Variants in PSME4 observed in about 807,000 individuals in gnomAD.
PSME4 encodes the protein proteasome activator subunit 4.
Under a neutral mutation model 253.9 loss-of-function variants are expected in PSME4, and 89 were observed. That is an observed-to-expected ratio of 0.35 (90% CI 0.30 to 0.42). The LOEUF is 0.42. PSME4 is among the 10% of genes least tolerant of loss of function. PSME4 has a pLI of 1.00. For missense variants in PSME4, 2,014 were observed against 2,195.2 expected (o/e 0.92, Z 1.65); for synonymous variants, 851 against 759.2 (o/e 1.12, Z -1.99).
chr2:53,887,472 A>G lies in PSME4; in HGVS notation c.4521-5T>C. ...ATGAATATGTAGGTCAGCACACTGC[A>G]AAATAAAATACTTAATAATAGGAAG... is the stretch of plus-strand genomic sequence containing the variant. On this transcript the variant is annotated splice_region_variant and splice_polypyrimidine_tract_variant and intron_variant, in intron 39 of 46. Transcript: ENST00000404125. 6.2e-7 allele frequency: 1 copy of G among 1,602,016 alleles called. No homozygotes were observed. The highest frequency in any genetic ancestry group is 1.1e-5 in the South Asian group (1 of 90,148).
chr2:53,915,414 T>G (rs1253481081), intron 20 of PSME4, among the ~76,000 whole-genome samples: 2 of 151,430 alleles, frequency 1.3e-5, no homozygotes, highest in South Asian at 4.2e-4. Flanking sequence ...TATTCCAACC[T>G]GGACAACAGA....
Position 53,936,766 on chromosome 2 carries a change from C to A in PSME4, c.757G>T (p.Gly253Trp). 6.3e-7 allele frequency: 1 copy of A among 1,577,268 alleles called. No homozygotes were observed. Residue 253 changes from glycine to tryptophan, a missense_variant and splice_region_variant, in exon 6 of 47, where the codon GGG (glycine) becomes TGG (tryptophan). Physicochemically the swap from Gly to Trp is radical, Grantham distance 184 (BLOSUM62 -2). Around this residue, in one of 4 missense-constraint regions of PSME4, gnomAD observed 615 missense variants for 594.4 expected, o/e 1.03. Coordinates refer to ENST00000404125, the MANE Select transcript of PSME4 (RefSeq NM_014614.3). ...VSVQNLPQWE[G>W]QLVNLFARLA... The stretch of plus-strand genomic sequence containing the variant: ...GAAAGGGAAAAAGGGATACTTACCC[C>A]CTCCCATTGTGGGAGATTTTGCACT...
chr2:53,967,829 T>C (rs1573394522), intron 1 of PSME4, among the ~76,000 whole-genome samples: 1 of 152,072 alleles, frequency 6.6e-6, no homozygotes, highest in Non-Finnish European at 1.5e-5. Context: ...CTTTGGTCTT[T>C]AGGAATGTAC....
rs769001418 is a variant in PSME4 at position 53,920,336 on chromosome 2, G to C, written c.2277C>G (p.Pro759=). The C allele has an allele frequency of 6.2e-7, 1 of 1,612,440 alleles. No individual in the cohort carries two copies. Residue 759 remains proline, a synonymous_variant, in exon 19 of 47, where the codon CCC becomes CCG. Transcript: ENST00000404125. The part of the protein sequence containing the change: ...EYFPIKDWGK[P]GDLWNLGIQW... ...GGATTCCCAGATTCCACAAGTCCCC[G>C]GGTTTGCCCCAGTCCTAGAAGAGAA...
intron 1 of PSME4, among the ~76,000 whole-genome samples, chr2:53,954,466 C>A (rs1178688846): frequency 2.6e-5 from 4 of 152,138 alleles, no homozygotes; most frequent in Non-Finnish European, 5.9e-5. Context: ...AGAGTGAGAC[C>A]CTCATCTCTA....
intron 19 of PSME4, 71 bp downstream of exon 19, chr2:53,920,122 G>A: frequency 3.0e-6 from 4 of 1,317,122 alleles, no homozygotes; most frequent in Non-Finnish European, 4.1e-6. Context: ...CATGAGATAT[G>A]CCACAGATAA....
chr2:53,879,217 C>G (rs1573202425), intron 41 of PSME4, among the ~76,000 whole-genome samples: 2 of 151,732 alleles, frequency 1.3e-5, no homozygotes, highest in Non-Finnish European at 2.9e-5. Flanking sequence ...GAAATGTCTA[C>G]ACAAAGATCT....
At chr2:53,965,816 C>A (rs1368414902) in intron 1 of PSME4, among the ~76,000 whole-genome samples, 1 of 151,896 alleles carries the variant, frequency 6.6e-6, no homozygotes, top group African/African-American at 2.4e-5. Flanking sequence ...ACTACAGGCA[C>A]CCGCCATCAT....
At position 53,885,750 on chromosome 2, in the gene PSME4, T is replaced by C. The variant is rs145595380; in HGVS notation, c.4755A>G (p.Ala1585=). The C allele has an allele frequency of 1.2e-4, 194 of 1,612,850 alleles. No homozygotes were observed. Among genetic ancestry groups the C allele is most frequent in the Non-Finnish European group, 1.5e-4 (175 of 1,179,152 alleles). ...TAACTGCTGTAGAAAAGGATCTTCC[T>C]GCACTTGCCATCAGCCATTTCAATA... is the stretch of plus-strand genomic sequence containing the variant. ...KTILKWLMAS[A]GRSFSTAVTE... is the part of the protein sequence containing the mutation. Residue 1585 remains alanine (A), a synonymous_variant, in exon 41 of 47, where the codon GCA becomes GCG. Coordinates refer to ENST00000404125, the MANE Select transcript of PSME4 (RefSeq NM_014614.3).
In PSME4 at chr2:53,887,961, C is replaced by A. The variant is rs1238400900; in HGVS notation, c.4417G>T (p.Ala1473Ser). Residue 1473 changes from alanine to serine, a missense_variant, in exon 39 of 47, where the codon GCC becomes TCC. By Grantham distance (99) the Ala-to-Ser change is moderately conservative. This residue lies in a region of PSME4 where 403 missense variants were observed against 556.1 expected (regional missense o/e 0.72). Coordinates refer to ENST00000404125, the MANE Select transcript of PSME4 (RefSeq NM_014614.3). ...CRLYVLQGGL[A>S]QQEWRVPELL... ...TCAGGCACTCTCCATTCTTGCTGGG[C>A]AAGGCCACCTTGTAGTACATAAAGT... is the stretch of plus-strand genomic sequence containing the variant. 1 of 1,612,598 alleles carries A rather than the reference C, an allele frequency of 6.2e-7. No individual in the cohort carries two copies. The highest frequency in any genetic ancestry group is 8.5e-7 in the Non-Finnish European group (1 of 1,179,228).
At chr2:53,905,363 T>G (rs112737272) in intron 26 of PSME4, among the ~76,000 whole-genome samples, 1 of 151,198 alleles carries the variant, frequency 6.6e-6, no homozygotes, top group African/African-American at 2.4e-5. Flanking sequence ...TTAGAGGGAA[T>G]CTCTGAGCTA....
Position 53,934,655 on chromosome 2 carries a change from T to C in PSME4, c.907A>G (p.Thr303Ala). ...SSQVLVPRFL[T>A]NAYDIGHAVI... Reference sequence around the variant, plus strand: ...GCATGTCCTATATCATAAGCATTTGTTAAAAATCTTGGGACTAACACTTGA... The same window carrying C: ...GCATGTCCTATATCATAAGCATTTGCTAAAAATCTTGGGACTAACACTTGA... The change falls in exon 8 of 47, where the codon ACA becomes GCA. Residue 303 changes from threonine to alanine, a missense_variant. Thr to Ala is a moderately conservative substitution (Grantham distance 58). Around this residue, in one of 4 missense-constraint regions of PSME4, gnomAD observed 615 missense variants for 594.4 expected, o/e 1.03. Transcript: ENST00000404125. The C allele has an allele frequency of 6.2e-7, 1 of 1,612,392 alleles. No individual in the cohort carries two copies. The highest frequency in any genetic ancestry group is 8.5e-7 in the Non-Finnish European group (1 of 1,178,598).
intron 26 of PSME4, 37 bp downstream of exon 26, chr2:53,906,561 G>C: frequency 6.9e-7 from 1 of 1,455,262 alleles, no homozygotes; most frequent in Non-Finnish European, 9.1e-7. Context: ...TAATAAAATG[G>C]GAGGGCATGA....
chr2:53,920,976 GAGA>G lies in PSME4; in HGVS notation c.2172_2174del (p.Leu725del). On this transcript the variant is annotated inframe_deletion, in exon 18 of 47. Transcript: ENST00000404125. ...TAGGGTAGATAAGTGTGGTAGAACG[GAGA>G]AGATGATGCAAAAGGTTACAAGACA... The G allele has an allele frequency of 6.2e-7, 1 of 1,614,066 alleles. No homozygotes were observed. The highest frequency in any genetic ancestry group is 8.5e-7 in the Non-Finnish European group (1 of 1,179,960).
Position 53,970,711 on chromosome 2 carries a change from C to A in PSME4, c.74G>T (p.Gly25Val), listed in dbSNP as rs1671033367. The A allele has an allele frequency of 6.5e-7, 1 of 1,548,502 alleles. No individual in the cohort carries two copies. Among genetic ancestry groups the A allele is most frequent in the Admixed American group, 2.0e-5 (1 of 50,960 alleles). ...GACGATCTCCTTCTGCGGGACGAAG[C>A]CCCGCGGGCCCGGCTCGGGACGCCC... is the stretch of plus-strand genomic sequence containing the variant. ...PGGRPEPGPR[G>V]FVPQKEIVYN... The change falls in exon 1 of 47, where the codon GGC becomes GTC. Residue 25 changes from glycine (G) to valine (V), a missense_variant. By Grantham distance (109) the Gly-to-Val change is moderately radical. Coordinates refer to ENST00000404125, the MANE Select transcript of PSME4 (RefSeq NM_014614.3).
chr2:53,883,271 T>C (rs564186305), intron 41 of PSME4, among the ~76,000 whole-genome samples: 1 of 152,314 alleles, frequency 6.6e-6, no homozygotes, highest in Admixed American at 6.5e-5. Flanking sequence ...CCTAGCACTT[T>C]GGAAGGCTAC....
intron 1 of PSME4, among the ~76,000 whole-genome samples, chr2:53,949,522 C>A (rs1321592715): frequency 6.6e-6 from 1 of 150,760 alleles, no homozygotes; most frequent in East Asian, 1.9e-4. Context: ...ATTTATTTGC[C>A]AGGAAGAATG....
At chr2:53,893,941 A>G in intron 34 of PSME4, 142 bp from the exon 35 acceptor site, 1 of 1,301,988 alleles carries the variant, frequency 7.7e-7, no homozygotes, top group South Asian at 1.8e-5. Flanking sequence ...CTCATAGACT[A>G]CAGTGATTTC....
At chr2:53,877,131 C>G (rs965879545) in intron 41 of PSME4, among the ~76,000 whole-genome samples, 2 of 151,240 alleles carry the variant, frequency 1.3e-5, no homozygotes, top group Non-Finnish European at 2.9e-5. Context: ...AAAAATATAC[C>G]CTTGCACATT....
Sources: gnomAD v4.1 joint callset for allele counts (sites outside exome capture counted in the v4.1 genomes callset) on GRCh38, gnomAD v4.1.1 for gene constraint, gnomAD v4.1.1 regional missense constraint, MANE v1.5 for transcripts, NCBI Gene and HGNC (gene_info 2026-07-23, HGNC 2026-07-21) for gene names.